MNAT1: variants seen among roughly 807,000 people sequenced by gnomAD.
MNAT1 encodes MNAT1 component of CDK activating kinase.
In MNAT1, 43 loss-of-function variants were observed where a neutral mutation model predicts 42.0. That is an observed-to-expected ratio of 1.02 (90% CI 0.80 to 1.32). MNAT1 has a LOEUF of 1.32. MNAT1 is among the 40% of genes most tolerant of loss of function. The pLI is 0.00. For missense variants in MNAT1, 306 were observed against 350.4 expected (o/e 0.87, Z 1.01); for synonymous variants, 118 against 120.0 (o/e 0.98, Z 0.11).
At chr14:60,810,144 A>G (rs934373790) in intron 4 of MNAT1, among the ~76,000 whole-genome samples, 3 of 152,086 alleles carry the variant, frequency 2.0e-5, no homozygotes, top group Non-Finnish European at 4.4e-5. Context: ...GTGTTGGTGT[A>G]TAATTGTTCA....
chr14:60,820,854 G>A (rs996707741), intron 6 of MNAT1, among the ~76,000 whole-genome samples: 6 of 151,986 alleles, frequency 3.9e-5, no homozygotes, highest in African/African-American at 1.5e-4. Flanking sequence ...TGTCTTCCCA[G>A]TACACTTAGA....
In MNAT1 at chr14:60,896,633, A is replaced by G. The variant is rs554402767; in HGVS notation, c.809+16798A>G. On this transcript the variant is annotated intron_variant, in intron 7 of 7. Coordinates refer to ENST00000261245, the MANE Select transcript of MNAT1 (RefSeq NM_002431.4). ...TCTGAGTAGCTGGAAAAACAGGCGC[A>G]CACCACCATGCCTGTCTAATTTTTT... Among the ~76,000 whole-genome samples, 24 of 152,132 alleles carry G rather than the reference A, an allele frequency of 1.6e-4. No individual in the cohort carries two copies. In the South Asian group the frequency reaches 5.0e-3, roughly 32 times the overall value.
chr14:60,866,761 T>C (rs1313804019), intron 6 of MNAT1, among the ~76,000 whole-genome samples: 1 of 152,090 alleles, frequency 6.6e-6, no homozygotes, highest in African/African-American at 2.4e-5. Context: ...GTTGTAATTA[T>C]ATATTATTTG....
intron 6 of MNAT1, among the ~76,000 whole-genome samples, chr14:60,860,739 G>A (rs2034077818): frequency 6.6e-6 from 1 of 152,108 alleles, no homozygotes; most frequent in Admixed American, 6.6e-5. Flanking sequence ...TTAACATTGT[G>A]TTGGTCTAAG....
At chr14:60,783,900 G>A (rs1566764060) in intron 1 of MNAT1, among the ~76,000 whole-genome samples, 1 of 152,152 alleles carries the variant, frequency 6.6e-6, no homozygotes, top group Admixed American at 6.5e-5. Context: ...TGCGATCACA[G>A]CTAACTGTAT....
At chr14:60,780,028 C>A in intron 1 of MNAT1, 2 of 1,550,912 alleles carry the variant, frequency 1.3e-6, no homozygotes, top group Non-Finnish European at 1.8e-6. Flanking sequence ...GTGGGAGTGC[C>A]GAAATCGTGG....
intron 1 of MNAT1, among the ~76,000 whole-genome samples, chr14:60,747,798 G>C (rs1024823524): frequency 1.3e-5 from 2 of 152,178 alleles, no homozygotes; most frequent in Non-Finnish European, 2.9e-5. Flanking sequence ...CTTTTGAACT[G>C]TTTGACTGTT....
chr14:60,849,846 T>C (rs2033776884), intron 6 of MNAT1, among the ~76,000 whole-genome samples: 1 of 149,046 alleles, frequency 6.7e-6, no homozygotes, highest in South Asian at 2.1e-4. Context: ...CTTTCTTTCT[T>C]TTTTTTTTTA....
chr14:60,900,370 A>G (rs1314819323), intron 7 of MNAT1, among the ~76,000 whole-genome samples: 1 of 152,198 alleles, frequency 6.6e-6, no homozygotes, highest in Non-Finnish European at 1.5e-5. Flanking sequence ...AAGAAAGCAA[A>G]ACAGCCTGAT....
At chr14:60,898,342 C>T (rs1306528203) in intron 7 of MNAT1, among the ~76,000 whole-genome samples, 2 of 152,012 alleles carry the variant, frequency 1.3e-5, no homozygotes, top group Non-Finnish European at 2.9e-5. Context: ...TGAGGAATCT[C>T]CATACTGGTT....
chr14:60,746,119 C>A (rs1483924014), intron 1 of MNAT1, among the ~76,000 whole-genome samples: 1 of 152,138 alleles, frequency 6.6e-6, no homozygotes, highest in Non-Finnish European at 1.5e-5. Flanking sequence ...CATAGACTAG[C>A]GAGTTATAGG....
At chr14:60,869,213 G>C (rs1344763645) in intron 6 of MNAT1, among the ~76,000 whole-genome samples, 9 of 138,250 alleles carry the variant, frequency 6.5e-5, no homozygotes, top group Non-Finnish European at 1.4e-4. Context: ...TTTTTTTTTT[G>C]GTATTTTAAT....
chr14:60,775,245 G>C (rs555336261), intron 1 of MNAT1, among the ~76,000 whole-genome samples: 1 of 152,326 alleles, frequency 6.6e-6, no homozygotes, highest in South Asian at 2.1e-4. Flanking sequence ...ATGCTGCTAA[G>C]AGGTGGTATT....
intron 7 of MNAT1, among the ~76,000 whole-genome samples, chr14:60,938,569 A>G (rs550186569): frequency 1.2e-4 from 19 of 152,238 alleles, no homozygotes; most frequent in Admixed American, 3.3e-4. Flanking sequence ...GCATCCCAGG[A>G]ATGAAGCCCA....
intron 6 of MNAT1, among the ~76,000 whole-genome samples, chr14:60,848,658 T>G (rs2033739611): frequency 6.6e-6 from 1 of 152,182 alleles, no homozygotes; most frequent in Non-Finnish European, 1.5e-5. Flanking sequence ...TCAGATTTTT[T>G]TCTTGCTTCA....
chr14:60,795,294 C>T (rs902097033), intron 1 of MNAT1, among the ~76,000 whole-genome samples: 1 of 152,272 alleles, frequency 6.6e-6, no homozygotes, highest in South Asian at 2.1e-4. Flanking sequence ...ATCTTTGTAA[C>T]CTGCCTGACT....
chr14:60,866,577 A>G (rs921484922), intron 6 of MNAT1, among the ~76,000 whole-genome samples: 7 of 152,036 alleles, frequency 4.6e-5, no homozygotes, highest in Admixed American at 2.0e-4. Flanking sequence ...GAGGGAGACA[A>G]TGCTGTTCCT....
chr14:60,919,035 G>GT (rs2035594374), intron 7 of MNAT1, among the ~76,000 whole-genome samples: 1 of 151,900 alleles, frequency 6.6e-6, no homozygotes, highest in Non-Finnish European at 1.5e-5. Context: ...CTGATATAGG[G>GT]TTGGAGGCTG....
At chr14:60,930,652 G>GT (rs1378855281) in intron 7 of MNAT1, among the ~76,000 whole-genome samples, 1 of 152,138 alleles carries the variant, frequency 6.6e-6, no homozygotes, top group Non-Finnish European at 1.5e-5. Context: ...TAAAGGATAA[G>GT]TAAGAGTCTC....
Sources: gnomAD v4.1 joint callset for allele counts (sites outside exome capture counted in the v4.1 genomes callset) on GRCh38, gnomAD v4.1.1 for gene constraint, MANE v1.5 for transcripts, NCBI Gene and HGNC (gene_info 2026-07-23, HGNC 2026-07-21) for gene names.